Variants in POP1 observed in about 807,000 individuals in gnomAD.
POP1 encodes POP1 ribonuclease P/MRP subunit, also known as ribonucleases P/MRP protein subunit POP1.
In POP1, 75 loss-of-function variants were observed where a neutral mutation model predicts 102.2. The ratio of observed to expected loss-of-function variants is 0.73; its 90% CI spans 0.61 to 0.89. The LOEUF (loss-of-function observed/expected upper bound fraction) is 0.89. Ranked by LOEUF, POP1 falls within the 40% of genes least tolerant of loss-of-function variation. The probability of loss-of-function intolerance (pLI) is 0.00; values close to 1 mark genes in which losing one functional copy is unlikely to be tolerated. For synonymous variants in POP1, 436 were observed against 464.1 expected (o/e 0.94, Z 0.78); for missense variants, 1,116 against 1,267.4 (o/e 0.88, Z 1.81).
intron 12 of POP1, among the ~76,000 whole-genome samples, 170 bp from the exon 13 acceptor site, chr8:98,148,643 CTG>C (rs1809427567): frequency 6.6e-6 from 1 of 152,188 alleles, no homozygotes; most frequent in Non-Finnish European, 1.5e-5. Flanking sequence ...AGGAAAATAT[CTG>C]TAGGAGGAAT....
In POP1 at chr8:98,136,942, T is replaced by C; in HGVS notation, c.1350T>C (p.Ala450=). The C allele has an allele frequency of 6.2e-7, 1 of 1,605,098 alleles. No homozygotes were observed. Among genetic ancestry groups the C allele is most frequent in the Non-Finnish European group, 8.5e-7 (1 of 1,171,752 alleles). ...TCCTAACTGAAGCAATAAAAGCTGC[T>C]TCTGTCCACACTGTAAGAGTAAAAG... ...HSILTEAIKA[A]SVHTVGEDTE... The change falls in exon 9 of 16, where the codon GCT becomes GCC. Residue 450 remains alanine, a synonymous_variant. Transcript: ENST00000401707.
At chr8:98,134,751 G>C in intron 7 of POP1, 92 bp downstream of exon 7, 1 of 1,348,218 alleles carries the variant, frequency 7.4e-7, no homozygotes. Context: ...ATAGTGTAAA[G>C]GTTTGTCTGA....
intron 9 of POP1, 21 bp downstream of exon 9, chr8:98,136,975 A>G: frequency 1.3e-6 from 2 of 1,557,030 alleles, no homozygotes; most frequent in Non-Finnish European, 1.8e-6. Context: ...AAGTGACTGT[A>G]GTGTTTTATT....
chr8:98,140,389 T>C (rs1816670076), intron 10 of POP1, among the ~76,000 whole-genome samples, 200 bp downstream of exon 10: 1 of 152,214 alleles, frequency 6.6e-6, no homozygotes, highest in Non-Finnish European at 1.5e-5. Flanking sequence ...ACAAATGGTA[T>C]GTTCATATTC....
intron 11 of POP1, among the ~76,000 whole-genome samples, chr8:98,142,187 G>A (rs911869096): frequency 2.6e-5 from 4 of 152,046 alleles, no homozygotes; most frequent in Non-Finnish European, 5.9e-5. Context: ...TTTGGAATGA[G>A]GTGATTATTA....
intron 4 of POP1, among the ~76,000 whole-genome samples, chr8:98,129,275 A>G (rs1036830984): frequency 1.3e-5 from 2 of 152,198 alleles, no homozygotes; most frequent in African/African-American, 4.8e-5. Flanking sequence ...ACTGGGTTTT[A>G]ATTTTTGTAC....
chr8:98,133,945 G>T lies in POP1; in HGVS notation c.736-4G>T. On this transcript the variant is annotated splice_polypyrimidine_tract_variant and splice_region_variant and intron_variant, in intron 5 of 15. Coordinates refer to ENST00000401707, the MANE Select transcript of POP1 (RefSeq NM_001145860.2). ...TACTTAATTGTGTCTCCCGCTTTGT[G>T]CAGGATTTATCCTATTACTGTTGTT... The T allele has an allele frequency of 1.2e-6, 2 of 1,609,916 alleles. No individual in the cohort carries two copies. Among genetic ancestry groups the T allele is most frequent in the Non-Finnish European group, 1.7e-6 (2 of 1,176,236 alleles).
At chr8:98,148,717 A>G (rs1351244598) in intron 12 of POP1, 98 bp from the exon 13 acceptor site, 2 of 1,040,102 alleles carry the variant, frequency 1.9e-6, no homozygotes, top group African/African-American at 1.6e-5. Flanking sequence ...GCTTTTTTAA[A>G]AGAGCATTTA....
At chr8:98,140,684 G>T in intron 10 of POP1, 85 bp from the exon 11 acceptor site, 1 of 1,428,572 alleles carries the variant, frequency 7.0e-7, no homozygotes, top group Non-Finnish European at 9.8e-7. Context: ...CGTTTCATTA[G>T]GAAATCTGAA....
At chr8:98,127,322 G>T (rs145879200) in intron 2 of POP1, among the ~76,000 whole-genome samples, 2 of 152,234 alleles carry the variant, frequency 1.3e-5, no homozygotes, top group Admixed American at 1.3e-4. Context: ...GTTTATAGGA[G>T]AAAATTTCAC....
chr8:98,117,539 C>T (rs1370713340), intron 1 of POP1, 149 bp downstream of exon 1: 2 of 199,514 alleles, frequency 1.0e-5, no homozygotes, highest in South Asian at 1.4e-4. Flanking sequence ...CCCGGGGCCC[C>T]TCTCCCTGGT....
chr8:98,132,299 A>G (rs1816403282), intron 5 of POP1, among the ~76,000 whole-genome samples: 2 of 152,120 alleles, frequency 1.3e-5, no homozygotes, highest in African/African-American at 4.8e-5. Flanking sequence ...CCATGATTGT[A>G]TGGCCAATGA....
rs143606739 is a variant in POP1 at position 98,156,066 on chromosome 8, C to T, written c.2074C>T (p.Arg692Trp). 53 of 1,613,578 alleles carry T rather than the reference C, an allele frequency of 3.3e-5. No individual in the cohort carries two copies. The highest frequency in any genetic ancestry group is 2.9e-4 in the South Asian group (26 of 91,070). Residue 692 changes from arginine (R) to tryptophan (W), a missense_variant, in exon 15 of 16, where the codon CGG becomes TGG. Arg to Trp is a moderately radical substitution (Grantham distance 101). Transcript: ENST00000401707. ...EKYKRRPPAK[R>W]PNYVKLGTLA... Reference sequence around the variant, plus strand: ...TTTCTTTAGACGCCCTCCTGCAAAACGGCCCAACTACGTTAAGCTTGGCAC... The same window carrying T: ...TTTCTTTAGACGCCCTCCTGCAAAATGGCCCAACTACGTTAAGCTTGGCAC...
chr8:98,156,377 T>C lies in POP1; in HGVS notation c.2385T>C (p.His795=). The C allele has an allele frequency of 6.2e-7, 1 of 1,613,866 alleles. No individual in the cohort carries two copies. The highest frequency in any genetic ancestry group is 8.5e-7 in the Non-Finnish European group (1 of 1,179,968). ...CAGACCAGGAGGCCAGTGAAAACCA[T>C]GTTGCTGCCACAGGGAGTCACCTCT... The part of the protein sequence containing the change: ...RITDQEASEN[H]VAATGSHLCV... The change falls in exon 15 of 16, where the codon CAT becomes CAC. Residue 795 remains histidine (H), a synonymous_variant. Transcript: ENST00000401707.
In POP1 at chr8:98,136,497, A is replaced by G. The variant is rs774610595; in HGVS notation, c.1027A>G (p.Ile343Val). 6.2e-7 allele frequency: 1 copy of G among 1,611,908 alleles called. No homozygotes were observed. The highest frequency in any genetic ancestry group is 1.7e-5 in the Admixed American group (1 of 59,744). ...PTLKQDILEEIKAACQCVEPI... is the reference protein window; with the variant it reads ...PTLKQDILEEVKAACQCVEPI... ...ATATTTTTAGGATATCTTAGAGGAA[A>G]TAAAAGCAGCGTGCCAGTGTGTGGA... Residue 343 changes from isoleucine (I) to valine (V), a missense_variant, in exon 8 of 16, where the codon ATA becomes GTA. By Grantham distance (29) the Ile-to-Val change is conservative (BLOSUM62 3). Transcript: ENST00000401707.
intron 14 of POP1, 48 bp from the exon 15 acceptor site, chr8:98,156,002 C>A: frequency 6.7e-7 from 1 of 1,501,812 alleles, no homozygotes. Flanking sequence ...TTTTAGTTTT[C>A]CAATCCTAAA....
chr8:98,143,330 G>A (rs755121823), intron 11 of POP1, among the ~76,000 whole-genome samples: 7 of 152,062 alleles, frequency 4.6e-5, no homozygotes, highest in Non-Finnish European at 7.4e-5. Context: ...GCCTTCAGAC[G>A]TACTCCACTT....
rs768652877 is a variant in POP1 at position 98,148,887 on chromosome 8, A to G, written c.1783A>G (p.Ile595Val). The G allele has an allele frequency of 7.4e-6, 12 of 1,613,916 alleles. No homozygotes were observed. The highest frequency in any genetic ancestry group is 9.3e-6 in the Non-Finnish European group (11 of 1,179,928). ...TATTTTAGGTCCCCATGAATCCAAG[A>G]TACCTATACTTTTGATTCAGCAGCC... ...QLILGPHESK[I>V]PILLIQQPGK... Residue 595 changes from isoleucine to valine, a missense_variant, in exon 13 of 16, where the codon ATA becomes GTA. Physicochemically the swap from Ile to Val is conservative, Grantham distance 29 (BLOSUM62 3). Coordinates refer to ENST00000401707, the MANE Select transcript of POP1 (RefSeq NM_001145860.2).
Position 98,158,591 on chromosome 8 carries a change from C to T in POP1, c.*320C>T, listed in dbSNP as rs1809720744. 3.4e-6 allele frequency: 1 copy of T among 290,778 alleles called. No individual in the cohort carries two copies. The highest frequency in any genetic ancestry group is 6.5e-6 in the Non-Finnish European group (1 of 153,360). 18.0% of individuals were successfully genotyped at this position (290,778 alleles called of 1,614,324 possible). ...TATCATCCCCTTTTTTTGTTAGAAA[C>T]AAAGGGCTTGTCAGGTCTATTTGAA... On this transcript the variant is annotated 3_prime_UTR_variant, in exon 16 of 16. Coordinates refer to ENST00000401707, the MANE Select transcript of POP1 (RefSeq NM_001145860.2).
Sources: gnomAD v4.1 joint callset for allele counts (sites outside exome capture counted in the v4.1 genomes callset) on GRCh38, gnomAD v4.1.1 for gene constraint, MANE v1.5 for transcripts, NCBI Gene and HGNC (gene_info 2026-07-23, HGNC 2026-07-21) for gene names.